The following FNDC7 variants were observed in gnomAD, a reference collection of about 807,000 sequenced individuals.
FNDC7 encodes the protein fibronectin type III domain-containing protein 7.
In FNDC7, 66 loss-of-function variants were observed where a neutral mutation model predicts 74.2. The ratio of observed to expected loss-of-function variants is 0.89; its 90% confidence interval spans 0.73 to 1.09. The LOEUF is 1.09. Ranked by LOEUF, FNDC7 falls within the 50% of genes least tolerant of loss-of-function variation. The pLI is 0.00. For synonymous variants in FNDC7, 307 were observed against 330.2 expected (o/e 0.93, Z 0.76); for missense variants, 829 against 893.4 (o/e 0.93, Z 0.92).
rs1361537939 is a variant in FNDC7 at position 108,712,947 on chromosome 1, G to A, written c.14G>A (p.Arg5Gln). The A allele has an allele frequency of 8.4e-6, 13 of 1,551,548 alleles. No homozygotes were observed. The highest frequency in any genetic ancestry group is 7.3e-5 in the East Asian group (3 of 40,938). The part of the protein sequence containing the change: MAGG[R>Q]ETCLPLIGFI... Reference sequence around the variant, plus strand: ...ATGTCCAACAGGATGGCTGGTGGACGAGAGACATGTTTGCCTTTGATTGGA... The same window carrying A: ...ATGTCCAACAGGATGGCTGGTGGACAAGAGACATGTTTGCCTTTGATTGGA... The change falls in exon 1 of 13, where the codon CGA (arginine) becomes CAA (glutamine). Residue 5 changes from arginine to glutamine, a missense_variant. Transcript: ENST00000370017.
intron 7 of FNDC7, 28 bp from the exon 8 acceptor site, chr1:108,728,604 G>C: frequency 6.2e-7 from 1 of 1,610,956 alleles, no homozygotes; most frequent in South Asian, 1.1e-5. Context: ...ACTCATGCTG[G>C]TTCAATTAAT....
chr1:108,722,568 T>C lies in FNDC7; in HGVS notation c.832T>C (p.Ser278Pro). 1 of 1,613,836 alleles carries C rather than the reference T, an allele frequency of 6.2e-7. No individual in the cohort carries two copies. Among genetic ancestry groups the C allele is most frequent in the East Asian group, 2.2e-5 (1 of 44,884 alleles). The part of the protein sequence containing the change: ...ASNDAGSSKS[S>P]SAMTLKTVAC... ...TAATGATGCTGGATCTAGCAAATCATCTTCAGCAATGACCCTGAAAACTGG... is the reference window on the plus strand; with the variant it reads ...TAATGATGCTGGATCTAGCAAATCACCTTCAGCAATGACCCTGAAAACTGG... The change falls in exon 5 of 13, where the codon TCT (serine) becomes CCT (proline). Residue 278 changes from serine (S) to proline (P), a missense_variant. Ser to Pro is a moderately conservative substitution (Grantham distance 74, BLOSUM62 -1). Coordinates refer to ENST00000370017, the MANE Select transcript of FNDC7 (RefSeq NM_001144937.3).
rs371394123 is a variant in FNDC7 at position 108,725,852 on chromosome 1, T to G, written c.959T>G (p.Val320Gly). Reference protein sequence around the residue: ...VDLGDYYVVFVKSDDGLEVHC... With the variant: ...VDLGDYYVVFGKSDDGLEVHC... ...CTGGGTGACTACTATGTGGTCTTTG[T>G]GAAGAGTGATGATGGCTTGGAAGTA... Residue 320 changes from valine to glycine, a missense_variant, in exon 6 of 13, where the codon GTG becomes GGG. Transcript: ENST00000370017. 1.4e-6 allele frequency: 2 copies of G among 1,458,976 alleles called. No homozygotes were observed. Among genetic ancestry groups the G allele is most frequent in the South Asian group, 1.5e-5 (1 of 68,104 alleles). The allele number at this position is 1,458,976 out of a possible 1,614,324, so 90.4% of individuals were successfully genotyped here. A position where few individuals can be genotyped will look rare whatever the true frequency, so the allele number is the denominator to read the frequency against.
intron 10 of FNDC7, 92 bp from the exon 11 acceptor site, chr1:108,737,403 C>T: frequency 2.4e-6 from 3 of 1,238,296 alleles, no homozygotes; most frequent in Admixed American, 2.5e-5. Context: ...TTTTGGTTTA[C>T]TTTCCTTTTA....
chr1:108,741,126 T>G (rs113387481), intron 11 of FNDC7, among the ~76,000 whole-genome samples: 10 of 152,244 alleles, frequency 6.6e-5, no homozygotes, highest in African/African-American at 2.4e-4. Context: ...GTGCTTCTGA[T>G]GGATGCTAAA....
At chr1:108,729,594 A>T (rs1661299398) in intron 8 of FNDC7, among the ~76,000 whole-genome samples, 1 of 152,198 alleles carries the variant, frequency 6.6e-6, no homozygotes, top group South Asian at 2.1e-4. Context: ...CCTGATAGGT[A>T]AAAGGGAGAT....
chr1:108,735,710 A>G (rs1263308680), intron 10 of FNDC7, among the ~76,000 whole-genome samples: 1 of 152,190 alleles, frequency 6.6e-6, no homozygotes, highest in Non-Finnish European at 1.5e-5. Context: ...TGTCTTTTGT[A>G]CTTATAGTAC....
chr1:108,728,088 C>T (rs777261429), intron 7 of FNDC7, 23 bp downstream of exon 7: 60 of 1,603,982 alleles, frequency 3.7e-5, no homozygotes, highest in Non-Finnish European at 4.9e-5. Context: ...TATCATTCCA[C>T]TCACTGGTGT....
At chr1:108,740,029 TAAAAAAAAAA>T (rs34183498) in intron 11 of FNDC7, among the ~76,000 whole-genome samples, 1 of 109,228 alleles carries the variant, frequency 9.2e-6, no homozygotes. Flanking sequence ...GCCATCTCTC[TAAAAAAAAAA>T]AAAAAAAAAA....
In FNDC7 at chr1:108,737,507, G is replaced by A. The variant is rs777055119; in HGVS notation, c.2153G>A (p.Gly718Glu). 7.5e-6 allele frequency: 12 copies of A among 1,591,212 alleles called. No homozygotes were observed. In the South Asian group the frequency reaches 1.3e-4, roughly 17 times the overall value. ...GTTTTTATTACAGTAACTTGCTCTG[G>A]AAGTACACTTGGAATGGGTAAGTCA... Reference protein sequence around the residue: ...PKKIYSVTCSGSTLGMVIYRG... With the variant: ...PKKIYSVTCSESTLGMVIYRG... The change falls in exon 11 of 13, where the codon GGA becomes GAA. Residue 718 changes from glycine (G) to glutamate (E), a missense_variant. Transcript: ENST00000370017.
intron 11 of FNDC7, 66 bp downstream of exon 11, chr1:108,737,590 A>T: frequency 1.5e-6 from 2 of 1,316,502 alleles, no homozygotes; most frequent in Non-Finnish European, 2.1e-6. Context: ...GGGTTAATGA[A>T]GTCAGCTGAC....
intron 4 of FNDC7, among the ~76,000 whole-genome samples, chr1:108,720,578 A>G (rs1172805761): frequency 1.3e-5 from 2 of 152,256 alleles, no homozygotes; most frequent in Admixed American, 6.5e-5. Flanking sequence ...GGTGACTTGA[A>G]CAATAGAAAT....
intron 4 of FNDC7, 33 bp from the exon 5 acceptor site, chr1:108,722,302 C>T (rs760102598): frequency 6.5e-7 from 1 of 1,528,076 alleles, no homozygotes; most frequent in East Asian, 2.3e-5. Flanking sequence ...TGTAAGGCTA[C>T]TACAAAATCT....
chr1:108,723,717 AATGCAGGGGAGAACC>A (rs1318581866), intron 5 of FNDC7, among the ~76,000 whole-genome samples: 1 of 152,246 alleles, frequency 6.6e-6, no homozygotes, highest in East Asian at 1.9e-4. Flanking sequence ...TTAGGCATTT[AATGCAGGGGAGAACC>A]ATGCAGAGTT....
Position 108,738,207 on chromosome 1 carries a change from T to C in FNDC7, c.2170+683T>C, listed in dbSNP as rs115806322. Among the ~76,000 whole-genome samples the C allele has an allele frequency of 4.8e-3, 736 of 152,184 alleles. 7 individuals are homozygous for C. The highest frequency in any genetic ancestry group is 8.3e-3 in the Non-Finnish European group (563 of 67,990). On this transcript the variant is annotated intron_variant, in intron 11 of 12. Coordinates refer to ENST00000370017, the MANE Select transcript of FNDC7 (RefSeq NM_001144937.3). ...GTTAACGGCCTGCAGAGAGCTACGA[T>C]GTTTGCTCCTGGTTTGCATGAGTGG...
At chr1:108,740,564 G>A (rs1449756376) in intron 11 of FNDC7, among the ~76,000 whole-genome samples, 1 of 152,098 alleles carries the variant, frequency 6.6e-6, no homozygotes, top group Non-Finnish European at 1.5e-5. Context: ...CTAGACTCAT[G>A]CGATCCACCT....
chr1:108,725,167 G>C (rs1281119761), intron 5 of FNDC7, among the ~76,000 whole-genome samples: 1 of 152,092 alleles, frequency 6.6e-6, no homozygotes, highest in Non-Finnish European at 1.5e-5. Context: ...AGGCTTTACA[G>C]ATAAACCCCC....
chr1:108,737,159 T>C (rs1056833288), intron 10 of FNDC7, among the ~76,000 whole-genome samples: 3 of 151,892 alleles, frequency 2.0e-5, no homozygotes, highest in Non-Finnish European at 4.4e-5. Context: ...TTGGTAGAGA[T>C]GGGGGTTTCG....
At chr1:108,722,086 GA>G (rs1362997612) in intron 4 of FNDC7, among the ~76,000 whole-genome samples, 3 of 151,886 alleles carry the variant, frequency 2.0e-5, no homozygotes, top group East Asian at 1.9e-4. Flanking sequence ...TTAGATATAA[GA>G]AAAAAATAAA....
Sources: allele counts gnomAD v4.1 joint callset (sites outside exome capture counted in the v4.1 genomes callset), GRCh38; gene constraint gnomAD v4.1.1; transcripts MANE v1.5; gene names NCBI Gene and HGNC (gene_info 2026-07-23, HGNC 2026-07-21).